The following SPATA31E1 variants were observed in gnomAD, a reference collection of about 807,000 sequenced individuals.
SPATA31E1 encodes SPATA31 subfamily E member 1.
Under a neutral mutation model 12.9 loss-of-function variants are expected in SPATA31E1, and 7 were observed. That is an observed-to-expected ratio of 0.54 (90% CI 0.31 to 1.02). The LOEUF is 1.02. SPATA31E1 is among the 50% of genes least tolerant of loss of function. The probability of loss-of-function intolerance (pLI) is 0.05; values close to 1 mark genes in which losing one functional copy is unlikely to be tolerated. For missense variants in SPATA31E1, 1,961 were observed against 1,799.8 expected, an observed-to-expected ratio of 1.09 and a Z score of -1.62; for synonymous variants, 771 against 719.0, an observed-to-expected ratio of 1.07 and a Z score of -1.16.
chr9:87,884,379 A>AGG lies in SPATA31E1; in HGVS notation c.365-208_365-207dup, dbSNP rs1393832150. Among the ~76,000 whole-genome samples the AGG allele has an allele frequency of 2.6e-5, 4 of 152,360 alleles. No homozygotes were observed. The South Asian group carries it at 8.3e-4, about 32-fold the overall frequency. ...CAACAAGATGGTTGTGACACCGATG[A>AGG]GGGGGTGGACGTGGAAGCACTTTTT... On this transcript the variant is annotated intron_variant, in intron 2 of 3. Coordinates refer to ENST00000325643, the MANE Select transcript of SPATA31E1 (RefSeq NM_178828.5).
chr9:87,885,234 T>C lies in SPATA31E1; in HGVS notation c.747T>C (p.His249=). Residue 249 remains histidine, a synonymous_variant, in exon 4 of 4, where the codon CAT becomes CAC. Coordinates refer to ENST00000325643, the MANE Select transcript of SPATA31E1 (RefSeq NM_178828.5). The part of the protein sequence containing the change: ...HVVFPPSPQP[H]GPLASSPPPP... ...TTTTTCCTCCTTCACCACAGCCGCA[T>C]GGTCCCCTGGCCTCCTCTCCACCTC... 3 of 1,614,116 alleles carry C rather than the reference T, an allele frequency of 1.9e-6. No homozygotes were observed. The highest frequency in any genetic ancestry group is 2.2e-5 in the East Asian group (1 of 44,858).
At position 87,882,983 on chromosome 9, in the gene SPATA31E1, T is replaced by C. The variant is rs769123040; in HGVS notation, c.92T>C (p.Val31Ala). ...RIPPPAPRPSVECTGDDIALQ... is the reference protein window; with the variant it reads ...RIPPPAPRPSAECTGDDIALQ... ...CCACCCCCAGCTCCCAGACCATCTGTGGAGTGCACAGGAGACGACATTGCA... is the reference window on the plus strand; with the variant it reads ...CCACCCCCAGCTCCCAGACCATCTGCGGAGTGCACAGGAGACGACATTGCA... Residue 31 changes from valine (V) to alanine (A), a missense_variant, in exon 1 of 4, where the codon GTG becomes GCG. Physicochemically the swap from Val to Ala is moderately conservative, Grantham distance 64. Transcript: ENST00000325643. The C allele has an allele frequency of 1.2e-6, 2 of 1,610,004 alleles. No homozygotes were observed. The highest frequency in any genetic ancestry group is 1.7e-5 in the Admixed American group (1 of 59,618).
In SPATA31E1 at chr9:87,888,852, CTGGG is replaced by C; in HGVS notation, c.*28_*31del. 1 of 1,555,294 alleles carries C rather than the reference CTGGG, an allele frequency of 6.4e-7. No individual in the cohort carries two copies. The highest frequency in any genetic ancestry group is 8.7e-7 in the Non-Finnish European group (1 of 1,154,772). On this transcript the variant is annotated 3_prime_UTR_variant, in exon 4 of 4. Transcript: ENST00000325643. ...CTAGACCAGTCTTCTTGCATGTCTC[CTGGG>C]GGAGACAGGGGGTTCTACTCAAATA...
In SPATA31E1 at chr9:87,886,008, T is replaced by G. The variant is rs1828263575; in HGVS notation, c.1521T>G (p.Thr507=). The change falls in exon 4 of 4, where the codon ACT becomes ACG. Residue 507 remains threonine (T), a synonymous_variant. Coordinates refer to ENST00000325643, the MANE Select transcript of SPATA31E1 (RefSeq NM_178828.5). ...PHHMAQPQHF[T]PAWPQSQPPP... is the part of the protein sequence containing the mutation. ...ACATGGCCCAGCCCCAACATTTCAC[T>G]CCAGCCTGGCCCCAGTCCCAGCCCC... 1 of 1,612,730 alleles carries G rather than the reference T, an allele frequency of 6.2e-7. No homozygotes were observed. Among genetic ancestry groups the G allele is most frequent in the Admixed American group, 1.7e-5 (1 of 59,992 alleles).
At position 87,886,928 on chromosome 9, in the gene SPATA31E1, G is replaced by C. The variant is rs376492433; in HGVS notation, c.2441G>C (p.Gly814Ala). 6.2e-7 allele frequency: 1 copy of C among 1,614,070 alleles called. No homozygotes were observed. Among genetic ancestry groups the C allele is most frequent in the African/African-American group, 1.3e-5 (1 of 75,034 alleles). The change falls in exon 4 of 4, where the codon GGG becomes GCG. Residue 814 changes from glycine (G) to alanine (A), a missense_variant. Transcript: ENST00000325643. Reference sequence around the variant, plus strand: ...GGGAAGCTGGCATCCTGGAGGGGTGGGAAAGCCCACGTGAACACCTCCCAG... The same window carrying C: ...GGGAAGCTGGCATCCTGGAGGGGTGCGAAAGCCCACGTGAACACCTCCCAG... ...KPGKLASWRGGKAHVNTSQEL... is the reference protein window; with the variant it reads ...KPGKLASWRGAKAHVNTSQEL...
Position 87,883,187 on chromosome 9 carries a change from G to A in SPATA31E1, c.296G>A (p.Arg99Lys). ...CCCTCACCCCCGCCCGGGAGGAAGA[G>A]GAGCAGCAGGGAGGTAAGGAGTCCT... is the stretch of plus-strand genomic sequence containing the variant. ...DPPSPPPGRK[R>K]SSREPQRERS... The change falls in exon 1 of 4, where the codon AGG (arginine) becomes AAG (lysine). Residue 99 changes from arginine (R) to lysine (K), a missense_variant. By Grantham distance (26) the Arg-to-Lys change is conservative. Transcript: ENST00000325643. 1 of 1,577,578 alleles carries A rather than the reference G, an allele frequency of 6.3e-7. No homozygotes were observed. The highest frequency in any genetic ancestry group is 8.6e-7 in the Non-Finnish European group (1 of 1,157,784).
chr9:87,884,904 C>G lies in SPATA31E1; in HGVS notation c.426-9C>G, dbSNP rs746739904. 6.3e-7 allele frequency: 1 copy of G among 1,598,212 alleles called. No homozygotes were observed. The highest frequency in any genetic ancestry group is 8.5e-7 in the Non-Finnish European group (1 of 1,170,230). On this transcript the variant is annotated splice_polypyrimidine_tract_variant and intron_variant, in intron 3 of 3. Coordinates refer to ENST00000325643, the MANE Select transcript of SPATA31E1 (RefSeq NM_178828.5). Reference sequence around the variant, plus strand: ...CCTGGCTGCAGCTTGTGCCTCTTGTCTCCTGCAGCCACCTGAGGAAGCTCG... The same window carrying G: ...CCTGGCTGCAGCTTGTGCCTCTTGTGTCCTGCAGCCACCTGAGGAAGCTCG...
rs962543675 is a variant in SPATA31E1, at chr9:87,883,308, C to T, written c.309+108C>T. On this transcript the variant is annotated intron_variant, in intron 1 of 3. Coordinates refer to ENST00000325643, the MANE Select transcript of SPATA31E1 (RefSeq NM_178828.5). ...GAGACCCTTCTGTGATGGGAAATCT[C>T]GTCATCCCTCTAGGGAAGGGCAAGG... The T allele has an allele frequency of 5.5e-5, 80 of 1,443,042 alleles. No individual in the cohort carries two copies. The East Asian group carries it at 5.6e-4, about 10-fold the overall frequency. The allele number at this position is 1,443,042 out of a possible 1,614,324, so 89.4% of individuals were successfully genotyped here.
chr9:87,884,796 C>A, intron 3 of SPATA31E1, 117 bp from the exon 4 acceptor site: 1 of 1,463,628 alleles, frequency 6.8e-7, no homozygotes, highest in South Asian at 1.2e-5. Flanking sequence ...TTAGGCAGAG[C>A]TTTATGAAGT....
chr9:87,887,583 C>T lies in SPATA31E1; in HGVS notation c.3096C>T (p.Ala1032=). The T allele has an allele frequency of 1.2e-6, 2 of 1,614,110 alleles. No individual in the cohort carries two copies. The highest frequency in any genetic ancestry group is 1.7e-6 in the Non-Finnish European group (2 of 1,180,032). Residue 1032 remains alanine (A), a synonymous_variant, in exon 4 of 4, where the codon GCC becomes GCT. Transcript: ENST00000325643. Reference sequence around the variant, plus strand: ...CCCAGTGGGCAAGGGCTGAAGATGCCCTGCAGGCACTGAAAGTGGGGGAGA... The same window carrying T: ...CCCAGTGGGCAAGGGCTGAAGATGCTCTGCAGGCACTGAAAGTGGGGGAGA... ...IGSQWARAED[A]LQALKVGEKP...
chr9:87,885,371 G>C lies in SPATA31E1; in HGVS notation c.884G>C (p.Gly295Ala). 1.2e-6 allele frequency: 2 copies of C among 1,613,150 alleles called. No individual in the cohort carries two copies. Among genetic ancestry groups the C allele is most frequent in the South Asian group, 1.1e-5 (1 of 91,072 alleles). Residue 295 changes from glycine to alanine, a missense_variant, in exon 4 of 4, where the codon GGC (glycine) becomes GCC (alanine). Transcript: ENST00000325643. ...CCTCCTCCAACCAGGGTGATCTCTGGCCTGGGGTGCTCCAGCGATCCCATC... is the reference window on the plus strand; with the variant it reads ...CCTCCTCCAACCAGGGTGATCTCTGCCCTGGGGTGCTCCAGCGATCCCATC... Reference protein sequence around the residue: ...VLPPPTRVISGLGCSSDPIWD... With the variant: ...VLPPPTRVISALGCSSDPIWD...
At position 87,884,979 on chromosome 9, in the gene SPATA31E1, C is replaced by A. The variant is rs756021324; in HGVS notation, c.492C>A (p.Asp164Glu). The change falls in exon 4 of 4, where the codon GAC becomes GAA. Residue 164 changes from aspartate to glutamate, a missense_variant. Transcript: ENST00000325643. ...CCTTAGGTGGAGACCCCCTGGGGGA[C>A]GTGTGTAAACCAGTGCCTGCTAAGG... ...HLPLGGDPLGDVCKPVPAKAH... is the reference protein window; with the variant it reads ...HLPLGGDPLGEVCKPVPAKAH... The A allele has an allele frequency of 6.2e-7, 1 of 1,614,028 alleles. No individual in the cohort carries two copies. The highest frequency in any genetic ancestry group is 2.2e-5 in the East Asian group (1 of 44,854).
intron 1 of SPATA31E1, among the ~76,000 whole-genome samples, chr9:87,883,502 C>T (rs1413895444): frequency 6.6e-6 from 1 of 152,196 alleles, no homozygotes; most frequent in African/African-American, 2.4e-5. Flanking sequence ...TCACCCCCTT[C>T]CTGGGGCAGG....
At position 87,887,523 on chromosome 9, in the gene SPATA31E1, T is replaced by C. The variant is rs773614198; in HGVS notation, c.3036T>C (p.Cys1012=). 1.8e-5 allele frequency: 29 copies of C among 1,613,790 alleles called. No homozygotes were observed. The highest frequency in any genetic ancestry group is 2.2e-5 in the South Asian group (2 of 91,090). The change falls in exon 4 of 4, where the codon TGT becomes TGC. Residue 1012 remains cysteine (C), a synonymous_variant. Coordinates refer to ENST00000325643, the MANE Select transcript of SPATA31E1 (RefSeq NM_178828.5). ...ESESMSPGDP[C]SSRALQVLSI... is the part of the protein sequence containing the mutation. ...AGAGCATGTCCCCAGGAGACCCCTG[T>C]AGTAGCAGAGCCCTGCAAGTGCTCA...
At chr9:87,884,556 C>T in intron 2 of SPATA31E1, 35 bp from the exon 3 acceptor site, 1 of 1,613,270 alleles carries the variant, frequency 6.2e-7, no homozygotes, top group African/African-American at 1.3e-5. Flanking sequence ...CCAGGCACCG[C>T]CCTCTCCACC....
At chr9:87,884,518 A>C in intron 2 of SPATA31E1, 73 bp from the exon 3 acceptor site, 1 of 1,528,110 alleles carries the variant, frequency 6.5e-7, no homozygotes, top group Non-Finnish European at 9.1e-7. Context: ...TCCCCTAAAA[A>C]GACATCCACT....
chr9:87,885,598 A>G lies in SPATA31E1; in HGVS notation c.1111A>G (p.Lys371Glu). Reference protein sequence around the residue: ...VQKLLETLIAKRALMKMWQEK... With the variant: ...VQKLLETLIAERALMKMWQEK... ...GAAGCTGCTGGAGACCCTCATCGCC[A>G]AGAGAGCACTGATGAAGATGTGGCA... The change falls in exon 4 of 4, where the codon AAG (lysine) becomes GAG (glutamate). Residue 371 changes from lysine to glutamate, a missense_variant. By Grantham distance (56) the Lys-to-Glu change is moderately conservative. Coordinates refer to ENST00000325643, the MANE Select transcript of SPATA31E1 (RefSeq NM_178828.5). 2 of 1,614,120 alleles carry G rather than the reference A, an allele frequency of 1.2e-6. No individual in the cohort carries two copies. Among genetic ancestry groups the G allele is most frequent in the Non-Finnish European group, 1.7e-6 (2 of 1,180,032 alleles).
chr9:87,885,620 G>A lies in SPATA31E1; in HGVS notation c.1133G>A (p.Trp378Ter), dbSNP rs772966146. 4 of 1,613,946 alleles carry A rather than the reference G, an allele frequency of 2.5e-6. No homozygotes were observed. Among genetic ancestry groups the A allele is most frequent in the Non-Finnish European group, 3.4e-6 (4 of 1,180,040 alleles). The change falls in exon 4 of 4, where the codon TGG (tryptophan) becomes TAG (stop). Residue 378 changes from tryptophan (W) to a stop codon, truncating the protein, a stop_gained. Coordinates refer to ENST00000325643, the MANE Select transcript of SPATA31E1 (RefSeq NM_178828.5). LOFTEE classifies it low-confidence loss of function (END_TRUNC). ...GCCAAGAGAGCACTGATGAAGATGT[G>A]GCAGGAGAAAGAAAGAAAACGGGCC... ...LIAKRALMKM[W>*]QEKERKRADH...
At position 87,887,841 on chromosome 9, in the gene SPATA31E1, C is replaced by T. The variant is rs1828311665; in HGVS notation, c.3354C>T (p.Gly1118=). The change falls in exon 4 of 4, where the codon GGC becomes GGT. Residue 1118 remains glycine (G), a synonymous_variant. Coordinates refer to ENST00000325643, the MANE Select transcript of SPATA31E1 (RefSeq NM_178828.5). ...SEEQLPGRAP[G]ILLQDGATGL... ...AGCAGCTGCCAGGCCGTGCCCCGGG[C>T]ATCCTCCTCCAGGACGGCGCCACAG... 13 of 1,613,762 alleles carry T rather than the reference C, an allele frequency of 8.1e-6. No individual in the cohort carries two copies. The highest frequency in any genetic ancestry group is 1.0e-5 in the Non-Finnish European group (12 of 1,180,040).
Sources: gnomAD v4.1 joint callset for allele counts (sites outside exome capture counted in the v4.1 genomes callset) on GRCh38, gnomAD v4.1.1 for gene constraint, MANE v1.5 for transcripts, NCBI Gene and HGNC (gene_info 2026-07-23, HGNC 2026-07-21) for gene names.